ECPAS: variants seen among roughly 807,000 people sequenced by gnomAD.
The protein encoded by ECPAS is proteasome adapter and scaffold protein ECM29.
A neutral mutation model predicts 255.1 loss-of-function variants in ECPAS; 70 were observed. That is an observed-to-expected ratio of 0.27 (90% CI 0.23 to 0.33). ECPAS has a LOEUF of 0.33. ECPAS is among the 10% of genes least tolerant of loss of function. The pLI, the probability that ECPAS is intolerant of heterozygous loss-of-function variation, is 1.00. For synonymous variants in ECPAS, 784 were observed against 775.0 expected, an observed-to-expected ratio of 1.01 and a Z score of -0.19; for missense variants, 1,817 against 2,206.4, an observed-to-expected ratio of 0.82 and a Z score of 3.54.
At chr9:111,444,042 A>G (rs1176147904) in intron 4 of ECPAS, among the ~76,000 whole-genome samples, 1 of 152,192 alleles carries the variant, frequency 6.6e-6, no homozygotes, top group Non-Finnish European at 1.5e-5. Context: ...CCCAAGCCGT[A>G]TAACATTTCC....
intron 23 of ECPAS, among the ~76,000 whole-genome samples, chr9:111,409,734 CATTTT>C (rs988893311): frequency 1.1e-4 from 16 of 151,990 alleles, no homozygotes; most frequent in African/African-American, 3.6e-4. Flanking sequence ...AATTACTTAA[CATTTT>C]ATTATACACC....
chr9:111,438,412 G>A (rs1168803087), intron 6 of ECPAS, among the ~76,000 whole-genome samples: 1 of 151,904 alleles, frequency 6.6e-6, no homozygotes, highest in Non-Finnish European at 1.5e-5. Flanking sequence ...GATCGCTTGA[G>A]TCCAGGAGTT....
chr9:111,402,560 A>C (rs1053218480), intron 24 of ECPAS, among the ~76,000 whole-genome samples: 2 of 152,206 alleles, frequency 1.3e-5, no homozygotes, highest in Admixed American at 1.3e-4. Context: ...TACTCCATAG[A>C]ATCTTTAGTA....
intron 1 of ECPAS, among the ~76,000 whole-genome samples, chr9:111,475,431 T>C (rs545467913): frequency 1.2e-3 from 177 of 152,328 alleles, no homozygotes; most frequent in African/African-American, 4.0e-3. Flanking sequence ...ACTGAAAGCA[T>C]AATTCAAAAC....
At position 111,484,138 on chromosome 9, in the gene ECPAS, G is replaced by A. The variant is rs1465745025; in HGVS notation, c.-105C>T. 6.8e-7 allele frequency: 1 copy of A among 1,462,400 alleles called. No homozygotes were observed. Among genetic ancestry groups the A allele is most frequent in the African/African-American group, 1.5e-5 (1 of 67,690 alleles). 90.6% of individuals were successfully genotyped at this position (1,462,400 alleles called of 1,614,324 possible). A position where few individuals can be genotyped will look rare whatever the true frequency, so the allele number is the denominator to read the frequency against. On this transcript the variant is annotated 5_prime_UTR_variant, in exon 1 of 50. Transcript: ENST00000684092. The stretch of plus-strand genomic sequence containing the variant: ...GACCTGAGTCGGAGCCGGTCTCCAT[G>A]CCGCGGACGCTGCGCTCGGCGCCGC...
At chr9:111,470,908 C>A (rs1473884351) in intron 2 of ECPAS, among the ~76,000 whole-genome samples, 1 of 152,088 alleles carries the variant, frequency 6.6e-6, no homozygotes, top group East Asian at 1.9e-4. Context: ...AAGGCCCTTT[C>A]CCCCAGAGAC....
chr9:111,449,163 T>C (rs752252283), intron 3 of ECPAS, among the ~76,000 whole-genome samples: 94 of 152,144 alleles, frequency 6.2e-4, no homozygotes, highest in Non-Finnish European at 1.0e-3. Context: ...ATAAGAACCA[T>C]TGCCAGGTTA....
In ECPAS at chr9:111,479,291, T is replaced by C. The variant is rs1403214370; in HGVS notation, c.-83+4825A>G. ...TGGAGTAATAAGTACTTAATACCAC[T>C]GTACACTTAAAAACTGTTAAGGCAG... On this transcript the variant is annotated intron_variant, in intron 1 of 49. Coordinates refer to ENST00000684092, the MANE Select transcript of ECPAS (RefSeq NM_001364929.1). Among the ~76,000 whole-genome samples, 5 of 152,330 alleles carry C rather than the reference T, an allele frequency of 3.3e-5. No individual in the cohort carries two copies. The East Asian group carries it at 5.8e-4, about 18-fold the overall frequency.
chr9:111,432,340 G>A (rs10481665), intron 8 of ECPAS, among the ~76,000 whole-genome samples: 42,379 of 152,082 alleles, frequency 0.28, 7,268 homozygotes, highest in African/African-American at 0.48. Context: ...TTGGCCAGGC[G>A]TGGTGGCTCA....
At chr9:111,425,321 A>G in intron 12 of ECPAS, 97 bp downstream of exon 12, 1 of 760,450 alleles carries the variant, frequency 1.3e-6, no homozygotes, top group Non-Finnish European at 2.0e-6. Context: ...TGAAACTTTA[A>G]CAAACTTTTA....
intron 36 of ECPAS, among the ~76,000 whole-genome samples, chr9:111,377,050 C>T (rs2098134154): frequency 1.3e-5 from 2 of 152,160 alleles, no homozygotes; most frequent in South Asian, 4.1e-4. Flanking sequence ...TTGCCTAGGG[C>T]TACAAAGTTT....
intron 8 of ECPAS, among the ~76,000 whole-genome samples, 173 bp from the exon 9 acceptor site, chr9:111,430,801 A>G (rs1391107419): frequency 6.6e-6 from 1 of 152,242 alleles, no homozygotes; most frequent in East Asian, 1.9e-4. Flanking sequence ...AATTTCTATC[A>G]AAGTATGTTT....
At chr9:111,401,729 T>G (rs534820484) in intron 24 of ECPAS, among the ~76,000 whole-genome samples, 2 of 152,198 alleles carry the variant, frequency 1.3e-5, no homozygotes, top group Admixed American at 6.5e-5. Context: ...CCCCAGGGTC[T>G]CAATTATTAA....
At chr9:111,418,559 T>C (rs1326570298) in intron 16 of ECPAS, among the ~76,000 whole-genome samples, 3 of 152,180 alleles carry the variant, frequency 2.0e-5, no homozygotes, top group African/African-American at 7.2e-5. Flanking sequence ...TGCCTCTGAT[T>C]GTGTCTCATT....
At chr9:111,471,923 AGAG>A (rs2098288746) in intron 2 of ECPAS, among the ~76,000 whole-genome samples, 1 of 151,792 alleles carries the variant, frequency 6.6e-6, no homozygotes, top group Non-Finnish European at 1.5e-5. Flanking sequence ...GGTAACACAC[AGAG>A]ACTCTGTCTC....
At chr9:111,392,713 A>G (rs2098162049) in intron 28 of ECPAS, 55 bp downstream of exon 28, 3 of 1,164,126 alleles carry the variant, frequency 2.6e-6, no homozygotes, top group South Asian at 2.7e-5. Flanking sequence ...TCTTCTCACT[A>G]TGTGTAGAGA....
At chr9:111,471,868 C>T (rs1254407014) in intron 2 of ECPAS, among the ~76,000 whole-genome samples, 1 of 152,000 alleles carries the variant, frequency 6.6e-6, no homozygotes. Flanking sequence ...TTTGGGGGGC[C>T]CAGGTAGGAG....
Position 111,384,028 on chromosome 9 carries a change from C to T in ECPAS, c.3681+494G>A, listed in dbSNP as rs1234211898. On this transcript the variant is annotated intron_variant, in intron 34 of 49. Transcript: ENST00000684092. ...CTGGGTCACAGCACAATATAGTGGT[C>T]AAGATCACATGTGAAACAGGAAAAC... 2.6e-5 allele frequency among the ~76,000 whole-genome samples: 4 copies of T among 152,058 alleles called. No homozygotes were observed. In the East Asian group the frequency reaches 7.7e-4, roughly 29 times the overall value.
chr9:111,466,023 A>G (rs2098279098), intron 2 of ECPAS, among the ~76,000 whole-genome samples: 1 of 151,634 alleles, frequency 6.6e-6, no homozygotes, highest in African/African-American at 2.4e-5. Context: ...ACAGAGCAAG[A>G]CCCTGTCCCA....
Sources: allele counts gnomAD v4.1 joint callset (sites outside exome capture counted in the v4.1 genomes callset), GRCh38; gene constraint gnomAD v4.1.1; transcripts MANE v1.5; gene names NCBI Gene and HGNC (gene_info 2026-07-23, HGNC 2026-07-21).